PTPN18: variants seen among roughly 807,000 people sequenced by gnomAD.
PTPN18 encodes the protein protein tyrosine phosphatase non-receptor type 18.
PTPN18 carries 65 observed loss-of-function variants against 65.4 expected under a neutral mutation model. The ratio of observed to expected loss-of-function variants is 0.99; its 90% CI spans 0.81 to 1.22. The LOEUF is 1.22. Among genes scored for constraint, PTPN18 ranks in the 50% most tolerant of loss-of-function variants. The pLI is 0.00. For synonymous variants in PTPN18, 255 were observed against 267.8 expected (o/e 0.95, Z 0.47); for missense variants, 616 against 646.5 (o/e 0.95, Z 0.51).
chr2:130,363,742 A>G (rs915890656), intron 5 of PTPN18, among the ~76,000 whole-genome samples: 1 of 152,104 alleles, frequency 6.6e-6, no homozygotes, highest in Non-Finnish European at 1.5e-5. Flanking sequence ...CAGTGCTGCT[A>G]TCAACACTGA....
At position 130,372,414 on chromosome 2, in the gene PTPN18, A is replaced by G. The variant is rs1487759599; in HGVS notation, c.1171A>G (p.Lys391Glu). The part of the protein sequence containing the change: ...RSAEEAPLYS[K>E]VTPRAQRPGA... ...CGCGGAGGAGGCGCCGCTCTACAGC[A>G]AGGTGACGCCGCGCGCCCAGCGACC... The change falls in exon 13 of 15, where the codon AAG becomes GAG. Residue 391 changes from lysine to glutamate, a missense_variant. Coordinates refer to ENST00000175756, the MANE Select transcript of PTPN18 (RefSeq NM_014369.4). The G allele has an allele frequency of 1.5e-6, 2 of 1,367,806 alleles. No individual in the cohort carries two copies. The highest frequency in any genetic ancestry group is 3.4e-5 in the South Asian group (2 of 58,940). 84.7% of individuals were successfully genotyped at this position (1,367,806 alleles called of 1,614,324 possible).
Position 130,372,501 on chromosome 2 carries a change from CCTT to C in PTPN18, c.1240+21_1240+23del. ...TGGCCGCGGTGAGTCGAGGCTTGCT[CCTT>C]CTCAGGGCATCATCCTGCTGTGATC... On this transcript the variant is annotated intron_variant, in intron 13 of 14. Transcript: ENST00000175756. The C allele has an allele frequency of 7.2e-6, 10 of 1,387,926 alleles. No homozygotes were observed. The African/African-American group carries it at 9.2e-5, about 13-fold the overall frequency. 86.0% of individuals were successfully genotyped at this position (1,387,926 alleles called of 1,614,324 possible). A position where few individuals can be genotyped will look rare whatever the true frequency, so the allele number is the denominator to read the frequency against.
chr2:130,369,643 T>C, intron 6 of PTPN18, 122 bp from the exon 7 acceptor site: 1 of 1,089,284 alleles, frequency 9.2e-7, no homozygotes, highest in Admixed American at 3.0e-5. Flanking sequence ...TATATGAATT[T>C]TTAAAATGTT....
At chr2:130,372,622 CA>C in intron 13 of PTPN18, 139 bp downstream of exon 13, 1 of 1,175,588 alleles carries the variant, frequency 8.5e-7, no homozygotes, top group Non-Finnish European at 1.2e-6. Context: ...CGCTGATGTC[CA>C]GGCGTCCCTG....
At chr2:130,362,808 ATTTTTG>A (rs982721860) in intron 5 of PTPN18, among the ~76,000 whole-genome samples, 3 of 151,900 alleles carry the variant, frequency 2.0e-5, no homozygotes, top group Admixed American at 6.6e-5. Flanking sequence ...CCACAGTAAG[ATTTTTG>A]TTTTTGTTTT....
chr2:130,362,064 C>T (rs1680233711), intron 5 of PTPN18: 1 of 458,450 alleles, frequency 2.2e-6, no homozygotes, highest in South Asian at 1.6e-5. Context: ...AAATCCTGGG[C>T]TCAAATGATC....
intron 5 of PTPN18, among the ~76,000 whole-genome samples, chr2:130,365,170 C>T (rs916242335): frequency 6.6e-6 from 1 of 152,220 alleles, no homozygotes; most frequent in African/African-American, 2.4e-5. Context: ...ATTTCCCCAA[C>T]TTAATATGCA....
intron 5 of PTPN18, among the ~76,000 whole-genome samples, chr2:130,363,244 C>T (rs897856867): frequency 2.6e-5 from 4 of 151,598 alleles, no homozygotes; most frequent in South Asian, 2.1e-4. Flanking sequence ...GTCAGGAGAT[C>T]AAGACCATCC....
At chr2:130,362,102 G>C (rs1439198245) in intron 5 of PTPN18, 6 of 469,400 alleles carry the variant, frequency 1.3e-5, no homozygotes, top group African/African-American at 6.0e-5. Flanking sequence ...CTGAGGAGTT[G>C]GGACTACAGG....
At position 130,374,569 on chromosome 2, in the gene PTPN18, G is replaced by A. The variant is rs1680680799; in HGVS notation, c.*1345G>A. 2.1e-6 allele frequency: 1 copy of A among 468,964 alleles called. No homozygotes were observed. Among genetic ancestry groups the A allele is most frequent in the Non-Finnish European group, 4.4e-6 (1 of 225,890 alleles). 29.1% of individuals were successfully genotyped at this position (468,964 alleles called of 1,614,324 possible). A position where few individuals can be genotyped will look rare whatever the true frequency, so the allele number is the denominator to read the frequency against. ...AAATAAAAGGAGGACACGTCTCTGTGCACTGGTGTGGACAAATCTCCAAGT... is the reference window on the plus strand; with the variant it reads ...AAATAAAAGGAGGACACGTCTCTGTACACTGGTGTGGACAAATCTCCAAGT... On this transcript the variant is annotated 3_prime_UTR_variant, in exon 15 of 15. Transcript: ENST00000175756.
intron 5 of PTPN18, among the ~76,000 whole-genome samples, chr2:130,365,521 C>T (rs1680352849): frequency 6.6e-6 from 1 of 152,144 alleles, no homozygotes. Flanking sequence ...ATGTCTTTCC[C>T]ATTCTGTGGG....
In PTPN18 at chr2:130,372,245, C is replaced by A; in HGVS notation, c.1014-12C>A. On this transcript the variant is annotated splice_polypyrimidine_tract_variant and intron_variant, in intron 12 of 14. Coordinates refer to ENST00000175756, the MANE Select transcript of PTPN18 (RefSeq NM_014369.4). ...CGCCGTTTCACTTCCTCCCGGCCCT[C>A]CCTGCCTGCAGGAGCATCTCTGTGC... 1 of 1,570,824 alleles carries A rather than the reference C, an allele frequency of 6.4e-7. No individual in the cohort carries two copies. Among genetic ancestry groups the A allele is most frequent in the South Asian group, 1.1e-5 (1 of 87,912 alleles).
At position 130,358,879 on chromosome 2, in the gene PTPN18, T is replaced by C. The variant is rs1196309345; in HGVS notation, c.106T>C (p.Cys36Arg). ...AATGCTCTACCAGGACATCCAGGCC[T>C]GCTCGGCCGCCTGGAAGGCTGACGG... ...LAGEFSDIQA[C>R]SAAWKADGVC... The change falls in exon 2 of 15, where the codon TGC becomes CGC. Residue 36 changes from cysteine (C) to arginine (R), a missense_variant. Cys to Arg is a radical substitution (Grantham distance 180). This residue lies in a region of PTPN18 where 223 missense variants were observed against 210.0 expected (regional missense o/e 1.06). Transcript: ENST00000175756. 2.5e-6 allele frequency: 4 copies of C among 1,613,194 alleles called. No individual in the cohort carries two copies. The highest frequency in any genetic ancestry group is 3.4e-6 in the Non-Finnish European group (4 of 1,179,446).
At chr2:130,369,660 A>G (rs1437591022) in intron 6 of PTPN18, 105 bp from the exon 7 acceptor site, 6 of 1,211,816 alleles carry the variant, frequency 5.0e-6, no homozygotes, top group Non-Finnish European at 6.9e-6. Context: ...TGTTTTCTGT[A>G]TTTGATTTTT....
intron 5 of PTPN18, among the ~76,000 whole-genome samples, chr2:130,362,894 G>A (rs1388704585): frequency 6.6e-6 from 1 of 151,838 alleles, no homozygotes; most frequent in Non-Finnish European, 1.5e-5. Context: ...ATCTCAGCTC[G>A]CTGCAACCTC....
At chr2:130,368,998 G>A (rs28738746) in intron 5 of PTPN18, 135 bp from the exon 6 acceptor site, 6 of 645,984 alleles carry the variant, frequency 9.3e-6, no homozygotes, top group South Asian at 8.4e-5. Flanking sequence ...GTTGGCTGGC[G>A]TCTGTTATAG....
intron 5 of PTPN18, among the ~76,000 whole-genome samples, chr2:130,367,250 T>C (rs1199072094): frequency 1.3e-5 from 2 of 152,086 alleles, no homozygotes; most frequent in Non-Finnish European, 2.9e-5. Context: ...CTTTCATTTG[T>C]CTGAAAAGGT....
rs1356771623 is a variant in PTPN18 at position 130,369,118 on chromosome 2, C to T, written c.415-15C>T. ...CTCTTCTCACTCCCTGCCTTTTCTCCCTTACCTTTTGCAGAAAAGGTGTGA... is the reference window on the plus strand; with the variant it reads ...CTCTTCTCACTCCCTGCCTTTTCTCTCTTACCTTTTGCAGAAAAGGTGTGA... On this transcript the variant is annotated splice_polypyrimidine_tract_variant and intron_variant, in intron 5 of 14. Coordinates refer to ENST00000175756, the MANE Select transcript of PTPN18 (RefSeq NM_014369.4). 6.2e-7 allele frequency: 1 copy of T among 1,605,374 alleles called. No homozygotes were observed. The highest frequency in any genetic ancestry group is 8.5e-7 in the Non-Finnish European group (1 of 1,174,236).
rs2104950070 is a variant in PTPN18, at chr2:130,370,605, G to A, written c.738G>A (p.Arg246=). 1.9e-6 allele frequency: 3 copies of A among 1,614,136 alleles called. No homozygotes were observed. The highest frequency in any genetic ancestry group is 2.7e-5 in the African/African-American group (2 of 75,014). Reference sequence around the variant, plus strand: ...TCCTGTGCACCGTGGATTATGTGAGGCAGCTGCTCCTGACCCAGGTACGAT... The same window carrying A: ...TCCTGTGCACCGTGGATTATGTGAGACAGCTGCTCCTGACCCAGGTACGAT... ...TGVLCTVDYV[R]QLLLTQMIPP... is the part of the protein sequence containing the mutation. The change falls in exon 9 of 15, where the codon AGG becomes AGA. Residue 246 remains arginine, a synonymous_variant. Transcript: ENST00000175756.
Sources: allele counts gnomAD v4.1 joint callset (sites outside exome capture counted in the v4.1 genomes callset), GRCh38; gene constraint gnomAD v4.1.1; regional missense constraint gnomAD v4.1.1; transcripts MANE v1.5; gene names NCBI Gene and HGNC (gene_info 2026-07-23, HGNC 2026-07-21).